The following POLRMT variants were observed in gnomAD, a reference collection of about 807,000 sequenced individuals.
The protein encoded by POLRMT is DNA-directed RNA polymerase, mitochondrial.
A neutral mutation model predicts 132.2 loss-of-function variants in POLRMT; 114 were observed. The observed-to-expected ratio is 0.86, with a 90% CI of 0.74 to 1.01. The LOEUF is 1.01. POLRMT is among the 50% of genes least tolerant of loss of function. The pLI, the probability that POLRMT is intolerant of heterozygous loss-of-function variation, is 0.00. For synonymous variants in POLRMT, 1,020 were observed against 773.4 expected, an observed-to-expected ratio of 1.32 and a Z score of -5.29; for missense variants, 2,003 against 1,729.1, an observed-to-expected ratio of 1.16 and a Z score of -2.81.
rs777158051 is a variant in POLRMT at position 629,529 on chromosome 19, G to A, written c.822+11C>T. 1 of 1,510,216 alleles carries A rather than the reference G, an allele frequency of 6.6e-7. No individual in the cohort carries two copies. The highest frequency in any genetic ancestry group is 2.3e-5 in the East Asian group (1 of 42,638). 93.6% of individuals were successfully genotyped at this position (1,510,216 alleles called of 1,614,324 possible). On this transcript the variant is annotated intron_variant, in intron 3 of 20. Transcript: ENST00000588649. ...ACCAGGGCAGGTGGCCCGGCTCCCG[G>A]CTGCACTCACCTGCCGCGCCCAGCC...
chr19:618,052 G>A (rs913791903), intron 17 of POLRMT: 2 of 574,776 alleles, frequency 3.5e-6, no homozygotes, highest in South Asian at 4.1e-5. Flanking sequence ...GTTCCCAGAA[G>A]CCTCCTCGCC....
At position 619,765 on chromosome 19, in the gene POLRMT, C is replaced by A; in HGVS notation, c.2887G>T (p.Val963Leu). 1 of 1,569,214 alleles carries A rather than the reference C, an allele frequency of 6.4e-7. No individual in the cohort carries two copies. The highest frequency in any genetic ancestry group is 8.6e-7 in the Non-Finnish European group (1 of 1,157,192). ...QDVYSGVAAQVEVFRRQDAQR... is the reference protein window; with the variant it reads ...QDVYSGVAAQLEVFRRQDAQR... ...GCGTCCTGCCTACGGAACACCTCCA[C>A]CTGCACGGCGGGTGGGCCGGGGGCG... The change falls in exon 13 of 21, where the codon GTG (valine) becomes TTG (leucine). Residue 963 changes from valine to leucine, a missense_variant and splice_region_variant. Physicochemically the swap from Val to Leu is conservative, Grantham distance 32 (BLOSUM62 1). Transcript: ENST00000588649.
In POLRMT at chr19:617,472, T is replaced by C. The variant is rs770526110; in HGVS notation, c.3590A>G (p.Lys1197Arg). The change falls in exon 20 of 21, where the codon AAG (lysine) becomes AGG (arginine). Residue 1197 changes from lysine (K) to arginine (R), a missense_variant. By Grantham distance (26) the Lys-to-Arg change is conservative. Coordinates refer to ENST00000588649, the MANE Select transcript of POLRMT (RefSeq NM_005035.4). ...LVKRFCSEPQ[K>R]ILEASQLKET... Reference sequence around the variant, plus strand: ...CTTCAGCTGGCTGGCCTCCAAGATCTTCTGGGGCCTGGGGTTGGAAGCAGG... The same window carrying C: ...CTTCAGCTGGCTGGCCTCCAAGATCCTCTGGGGCCTGGGGTTGGAAGCAGG... 10 of 1,611,514 alleles carry C rather than the reference T, an allele frequency of 6.2e-6. No individual in the cohort carries two copies. In the Admixed American group the frequency reaches 1.7e-4, roughly 27 times the overall value.
intron 3 of POLRMT, chr19:625,455 C>G: frequency 1.7e-6 from 1 of 605,220 alleles, no homozygotes; most frequent in Non-Finnish European, 2.7e-6. Context: ...CCGCATGGCC[C>G]GCCAGGTGGG....
In POLRMT at chr19:621,568, G is replaced by A. The variant is rs761550484; in HGVS notation, c.2130C>T (p.Asn710=). Residue 710 remains asparagine, a synonymous_variant, in exon 10 of 21, where the codon AAC becomes AAT. Coordinates refer to ENST00000588649, the MANE Select transcript of POLRMT (RefSeq NM_005035.4). The part of the protein sequence containing the change: ...TQLGNCAWRV[N]GRVLDLVLQL... ...GCAGCACCAGGTCCAGCACGCGCCCGTTGACGCGCCAGGCGCAGTTGCCCA... is the reference window on the plus strand; with the variant it reads ...GCAGCACCAGGTCCAGCACGCGCCCATTGACGCGCCAGGCGCAGTTGCCCA... The A allele has an allele frequency of 6.6e-5, 96 of 1,455,236 alleles. 1 individual carries two copies. The South Asian group carries it at 8.2e-4, about 12-fold the overall frequency. 90.1% of individuals were successfully genotyped at this position (1,455,236 alleles called of 1,614,324 possible).
At chr19:628,709 C>T (rs1043924194) in intron 3 of POLRMT, among the ~76,000 whole-genome samples, 6 of 151,918 alleles carry the variant, frequency 3.9e-5, no homozygotes, top group East Asian at 3.9e-4. Flanking sequence ...CCAAGAGTTC[C>T]GAGGAGAAAC....
rs531160208 is a variant in POLRMT at position 617,325 on chromosome 19, T to C, written c.3644-2A>G. ...TCACCTGCTCCAGGTCGAAGGCCCCTGCGGAGGAAGCAGAGCGGACGGCGT... is the reference window on the plus strand; with the variant it reads ...TCACCTGCTCCAGGTCGAAGGCCCCCGCGGAGGAAGCAGAGCGGACGGCGT... On this transcript the variant is annotated splice_acceptor_variant, in intron 20 of 20. Coordinates refer to ENST00000588649, the MANE Select transcript of POLRMT (RefSeq NM_005035.4). LOFTEE classifies it high-confidence loss of function. 4 of 1,612,740 alleles carry C rather than the reference T, an allele frequency of 2.5e-6. No individual in the cohort carries two copies. In the African/African-American group the frequency reaches 5.3e-5, roughly 22 times the overall value.
chr19:632,976 G>C, intron 1 of POLRMT, 38 bp from the exon 2 acceptor site: 5 of 1,414,054 alleles, frequency 3.5e-6, no homozygotes, highest in South Asian at 1.4e-5. Flanking sequence ...GGGGCCGGGC[G>C]TGTGGGCGGG....
intron 15 of POLRMT, 100 bp from the exon 16 acceptor site, chr19:618,860 G>A: frequency 1.4e-6 from 2 of 1,422,820 alleles, no homozygotes; most frequent in Non-Finnish European, 1.9e-6. Flanking sequence ...CTAGGATGGT[G>A]GCACACTGGC....
In POLRMT at chr19:621,799, C is replaced by T; in HGVS notation, c.1899G>A (p.Lys633=). The T allele has an allele frequency of 6.2e-6, 10 of 1,602,532 alleles. No individual in the cohort carries two copies. Among genetic ancestry groups the T allele is most frequent in the Non-Finnish European group, 8.5e-6 (10 of 1,179,846 alleles). Residue 633 remains lysine, a synonymous_variant, in exon 10 of 21, where the codon AAG becomes AAA. Coordinates refer to ENST00000588649, the MANE Select transcript of POLRMT (RefSeq NM_005035.4). ...PHPAYVQLLE[K]AAEPTLTFEA... is the part of the protein sequence containing the mutation. ...CGAAGGTCAGCGTGGGCTCCGCGGC[C>T]TTCTCCAGCAGCTGCACGTAGGCCG...
Position 629,709 on chromosome 19 carries a change from TGGGCCTGCGAGTGCTGCCCCGACG to T in POLRMT, c.629_652del (p.Pro210_Ala217del), listed in dbSNP as rs777522948. On this transcript the variant is annotated inframe_deletion, in exon 3 of 21. Transcript: ENST00000588649. Reference sequence around the variant, plus strand: ...GAGCCTCTGCTGCTGACCTGAGAGCTGGGCCTGCGAGTGCTGCCCCGACGGGGCCTGCTCCACATCGAGGCTCAG... The same window carrying T: ...GAGCCTCTGCTGCTGACCTGAGAGCTGGGCCTGCTCCACATCGAGGCTCAG... 8 of 1,598,184 alleles carry T rather than the reference TGGGCCTGCGAGTGCTGCCCCGACG, an allele frequency of 5.0e-6. No homozygotes were observed. The South Asian group carries it at 5.6e-5, about 11-fold the overall frequency.
chr19:620,108 G>A (rs1438921418), intron 11 of POLRMT, 28 bp from the exon 12 acceptor site: 5 of 1,534,632 alleles, frequency 3.3e-6, no homozygotes, highest in East Asian at 2.4e-5. Context: ...AACGGGAGAT[G>A]GAAGCTAGAG....
intron 3 of POLRMT, among the ~76,000 whole-genome samples, chr19:629,325 C>A (rs1031743761): frequency 6.6e-6 from 1 of 152,110 alleles, no homozygotes; most frequent in African/African-American, 2.4e-5. Context: ...GAAGGAAATG[C>A]TCAAGGCATT....
In POLRMT at chr19:630,233, G is replaced by A. The variant is rs529307177; in HGVS notation, c.194-65C>T. Reference sequence around the variant, plus strand: ...TCCCCATTCGAGCACCCGTCTCTCTGGACCCTGAGCCAGGCCAGGAGGTGC... The same window carrying A: ...TCCCCATTCGAGCACCCGTCTCTCTAGACCCTGAGCCAGGCCAGGAGGTGC... On this transcript the variant is annotated intron_variant, in intron 2 of 20. Transcript: ENST00000588649. The A allele has an allele frequency of 1.4e-5, 21 of 1,511,004 alleles. No homozygotes were observed. In the East Asian group the frequency reaches 4.3e-4, roughly 31 times the overall value. The allele number at this position is 1,511,004 out of a possible 1,614,324, so 93.6% of individuals were successfully genotyped here. A position where few individuals can be genotyped will look rare whatever the true frequency, so the allele number is the denominator to read the frequency against.
In POLRMT at chr19:619,673, C is replaced by G; in HGVS notation, c.2979G>C (p.Thr993=). The G allele has an allele frequency of 1.9e-6, 3 of 1,610,556 alleles. No individual in the cohort carries two copies. The highest frequency in any genetic ancestry group is 2.2e-5 in the East Asian group (1 of 44,876). ...TGACCCCGTACACCACCGTCATCAC[C>G]GTCTGCTTCACCACCTTGCGGGTGA... ...GFITRKVVKQ[T]VMTVVYGVTR... is the part of the protein sequence containing the mutation. Residue 993 remains threonine (T), a synonymous_variant, in exon 13 of 21, where the codon ACG becomes ACC. Coordinates refer to ENST00000588649, the MANE Select transcript of POLRMT (RefSeq NM_005035.4).
chr19:623,101 G>A (rs1174877608), intron 6 of POLRMT, 116 bp from the exon 7 acceptor site: 16 of 1,303,074 alleles, frequency 1.2e-5, no homozygotes, highest in Admixed American at 7.5e-5. Context: ...GGTCCCTGCT[G>A]TGTGTTCCGG....
chr19:619,370 G>C (rs973352238), intron 13 of POLRMT, 74 bp from the exon 14 acceptor site: 2 of 1,511,310 alleles, frequency 1.3e-6, no homozygotes, highest in African/African-American at 1.4e-5. Context: ...CTATTTCAGA[G>C]CCACTGAGGC....
At position 622,847 on chromosome 19, in the gene POLRMT, G is replaced by T. The variant is rs370315002; in HGVS notation, c.1429C>A (p.Arg477Ser). ...TGCAGGAGCATCCGCACCACCTCGC[G>T]CTCGTCCAGCAGGCACAGGAAGGGG... ...LYPFLCLLDE[R>S]EVVRMLLQVL... The change falls in exon 7 of 21, where the codon CGC becomes AGC. Residue 477 changes from arginine to serine, a missense_variant. Coordinates refer to ENST00000588649, the MANE Select transcript of POLRMT (RefSeq NM_005035.4). 1.2e-6 allele frequency: 2 copies of T among 1,603,412 alleles called. No individual in the cohort carries two copies. The highest frequency in any genetic ancestry group is 2.3e-5 in the East Asian group (1 of 44,336).
At chr19:621,889 G>GCTTTC (rs753933254) in intron 9 of POLRMT, 43 bp from the exon 10 acceptor site, 1 of 1,591,616 alleles carries the variant, frequency 6.3e-7, no homozygotes, top group East Asian at 2.2e-5. Flanking sequence ...CGGTGCTGGG[G>GCTTTC]CTTTCCTGTT....
Sources: allele counts gnomAD v4.1 joint callset (sites outside exome capture counted in the v4.1 genomes callset), GRCh38; gene constraint gnomAD v4.1.1; transcripts MANE v1.5; gene names NCBI Gene and HGNC (gene_info 2026-07-23, HGNC 2026-07-21).